The following CBFB variants were observed in gnomAD, a reference collection of about 807,000 sequenced individuals.
CBFB encodes the protein core-binding factor subunit beta, also known as CBF-beta.
A neutral mutation model predicts 30.4 loss-of-function variants in CBFB; 9 were observed. The ratio of observed to expected loss-of-function variants is 0.30; its 90% CI spans 0.18 to 0.52. CBFB has a LOEUF of 0.52. Among genes scored for constraint, CBFB ranks in the 20% least tolerant of loss-of-function variants. The pLI is 0.97. For synonymous variants in CBFB, 94 were observed against 84.0 expected (o/e 1.12, Z -0.65); for missense variants, 170 against 244.0 (o/e 0.70, Z 2.02).
At chr16:67,090,100 T>C (rs1233348393) in intron 5 of CBFB, among the ~76,000 whole-genome samples, 1 of 152,200 alleles carries the variant, frequency 6.6e-6, no homozygotes, top group Non-Finnish European at 1.5e-5. Flanking sequence ...TTTGGACTTT[T>C]CTTGGCTCTG....
At chr16:67,096,749 T>C (rs1187812107) in intron 5 of CBFB, among the ~76,000 whole-genome samples, 2 of 143,360 alleles carry the variant, frequency 1.4e-5, no homozygotes, top group Non-Finnish European at 3.1e-5. Context: ...CCAGGGCGGG[T>C]GAATCACGAG....
intron 3 of CBFB, among the ~76,000 whole-genome samples, chr16:67,044,538 T>C (rs1966589798): frequency 2.0e-5 from 3 of 152,334 alleles, no homozygotes; most frequent in Admixed American, 2.0e-4. Flanking sequence ...TTTTTCTTTC[T>C]GGACTTTATA....
intron 3 of CBFB, among the ~76,000 whole-genome samples, chr16:67,053,662 G>A (rs1960629139): frequency 6.6e-6 from 1 of 151,874 alleles, no homozygotes; most frequent in Non-Finnish European, 1.5e-5. Context: ...CCCTGGGGAA[G>A]CTTGTGAGCA....
chr16:67,090,688 T>C (rs2145781271), intron 5 of CBFB, among the ~76,000 whole-genome samples: 1 of 152,324 alleles, frequency 6.6e-6, no homozygotes, highest in African/African-American at 2.4e-5. Context: ...ATATTTTCTC[T>C]ATTATCTTAA....
At chr16:67,074,599 T>C (rs1961333885) in intron 4 of CBFB, among the ~76,000 whole-genome samples, 2 of 152,184 alleles carry the variant, frequency 1.3e-5, no homozygotes, top group Admixed American at 1.3e-4. Context: ...GCCACGCTGG[T>C]CTCGATCTCT....
At chr16:67,060,020 T>C (rs1960852165) in intron 3 of CBFB, among the ~76,000 whole-genome samples, 1 of 151,594 alleles carries the variant, frequency 6.6e-6, no homozygotes, top group Non-Finnish European at 1.5e-5. Context: ...TATATCCCAA[T>C]CTGGAGTGCA....
At chr16:67,053,245 TCTC>T (rs1370421205) in intron 3 of CBFB, among the ~76,000 whole-genome samples, 56 of 146,240 alleles carry the variant, frequency 3.8e-4, no homozygotes, top group African/African-American at 1.3e-3. Context: ...TGTCACTTTC[TCTC>T]TTTTTTTTTT....
chr16:67,080,484 A>C (rs1961526077), intron 4 of CBFB, among the ~76,000 whole-genome samples: 1 of 152,170 alleles, frequency 6.6e-6, no homozygotes, highest in South Asian at 2.1e-4. Flanking sequence ...CTTGCAGAAA[A>C]AAAAATGGTG....
intron 3 of CBFB, among the ~76,000 whole-genome samples, chr16:67,050,449 G>C (rs893962413): frequency 1.8e-4 from 28 of 151,692 alleles, no homozygotes; most frequent in African/African-American, 6.8e-4. Context: ...GTATGATAAA[G>C]TTTAGTTTAT....
chr16:67,080,094 AAAT>A (rs1049637297), intron 4 of CBFB, among the ~76,000 whole-genome samples: 13 of 152,302 alleles, frequency 8.5e-5, no homozygotes, highest in East Asian at 3.9e-4. Flanking sequence ...TCTGTCTCAA[AAAT>A]AATAATAATA....
chr16:67,086,736 T>C (rs1961742604), intron 5 of CBFB, among the ~76,000 whole-genome samples: 1 of 152,230 alleles, frequency 6.6e-6, no homozygotes, highest in South Asian at 2.1e-4. Context: ...TGTGTTGGTC[T>C]GTATTCTGCA....
chr16:67,047,875 C>T (rs934757498), intron 3 of CBFB, among the ~76,000 whole-genome samples: 2 of 151,966 alleles, frequency 1.3e-5, no homozygotes, highest in African/African-American at 4.8e-5. Flanking sequence ...TCAAGACTAG[C>T]GTGGCCAGCA....
intron 3 of CBFB, among the ~76,000 whole-genome samples, chr16:67,059,634 T>C (rs913608781): frequency 1.3e-5 from 2 of 152,194 alleles, no homozygotes; most frequent in African/African-American, 2.4e-5. Context: ...TGTAACAACC[T>C]TTAGCCTGCG....
intron 3 of CBFB, among the ~76,000 whole-genome samples, chr16:67,049,494 G>T (rs529206083): frequency 6.6e-6 from 1 of 151,912 alleles, no homozygotes; most frequent in East Asian, 1.9e-4. Flanking sequence ...GAGCCACCGC[G>T]CCCGGCCCCA....
chr16:67,087,381 C>T (rs1286318761), intron 5 of CBFB, among the ~76,000 whole-genome samples: 3 of 151,842 alleles, frequency 2.0e-5, no homozygotes, highest in African/African-American at 7.3e-5. Flanking sequence ...CACAGCAAGA[C>T]TTTGTCTCTA....
At position 67,064,592 on chromosome 16, in the gene CBFB, ATTGT is replaced by A. The variant is rs924062420; in HGVS notation, c.283-2087_283-2084del. On this transcript the variant is annotated intron_variant, in intron 3 of 5. Coordinates refer to ENST00000412916, the MANE Select transcript of CBFB (RefSeq NM_022845.3). ...AGAAACTGTAATAAATTTCTCTTAT[ATTGT>A]TTATCTCTATCACAATAAAATATTC... is the stretch of plus-strand genomic sequence containing the variant. 2.6e-5 allele frequency among the ~76,000 whole-genome samples: 4 copies of A among 152,178 alleles called. No homozygotes were observed. The South Asian group carries it at 6.2e-4, about 24-fold the overall frequency.
At chr16:67,082,458 T>A in intron 5 of CBFB, 150 bp downstream of exon 5, 1 of 804,618 alleles carries the variant, frequency 1.2e-6, no homozygotes, top group Non-Finnish European at 1.8e-6. Context: ...TTGTGTTTAT[T>A]AAATGTAATT....
At chr16:67,081,096 T>G (rs991985494) in intron 4 of CBFB, among the ~76,000 whole-genome samples, 3 of 151,234 alleles carry the variant, frequency 2.0e-5, no homozygotes, top group Non-Finnish European at 4.4e-5. Flanking sequence ...CATCTAGCAT[T>G]AGGTATATCT....
intron 4 of CBFB, among the ~76,000 whole-genome samples, chr16:67,073,909 C>T (rs1471351906): frequency 2.0e-5 from 3 of 150,718 alleles, no homozygotes; most frequent in Non-Finnish European, 4.4e-5. Context: ...GTGGAGGGCA[C>T]CTGTAGTTAC....
Sources: gnomAD v4.1 joint callset for allele counts (sites outside exome capture counted in the v4.1 genomes callset) on GRCh38, gnomAD v4.1.1 for gene constraint, MANE v1.5 for transcripts, NCBI Gene and HGNC (gene_info 2026-07-23, HGNC 2026-07-21) for gene names.